Variants in PPP2R5C observed in about 807,000 individuals in gnomAD.
PPP2R5C encodes protein phosphatase 2 regulatory subunit B'gamma, also known as serine/threonine-protein phosphatase 2A 56 kDa regulatory subunit gamma isoform.
Under a neutral mutation model 68.9 loss-of-function variants are expected in PPP2R5C, and 7 were observed. The observed-to-expected ratio is 0.10, with a 90% CI of 0.06 to 0.19. PPP2R5C has a LOEUF of 0.19. Among genes scored for constraint, PPP2R5C ranks in the 10% least tolerant of loss-of-function variants. The pLI is 1.00. For synonymous variants in PPP2R5C, 210 were observed against 222.2 expected (o/e 0.95, Z 0.49); for missense variants, 348 against 641.3 (o/e 0.54, Z 4.94).
At chr14:101,814,296 T>C (rs2039533667) in intron 1 of PPP2R5C, among the ~76,000 whole-genome samples, 1 of 152,254 alleles carries the variant, frequency 6.6e-6, no homozygotes, top group Non-Finnish European at 1.5e-5. Context: ...AAAGTGACTT[T>C]ATAGAACTAC....
intron 2 of PPP2R5C, among the ~76,000 whole-genome samples, chr14:101,776,096 A>T (rs1427878724): frequency 7.0e-6 from 1 of 142,734 alleles, no homozygotes; most frequent in South Asian, 2.3e-4. Flanking sequence ...CTGTTCAGAC[A>T]CGTGGAGGCC....
chr14:101,875,217 A>T (rs2043683799), intron 2 of PPP2R5C, among the ~76,000 whole-genome samples: 1 of 152,184 alleles, frequency 6.6e-6, no homozygotes, highest in Non-Finnish European at 1.5e-5. Context: ...CTTGCTGTGG[A>T]GGAAGCGCGA....
At chr14:101,894,689 G>A (rs1215246117) in intron 8 of PPP2R5C, 129 bp downstream of exon 10, 4 of 815,946 alleles carry the variant, frequency 4.9e-6, no homozygotes, top group Non-Finnish European at 8.0e-6. Context: ...CTAATAAACA[G>A]GCTCATTTCA....
Position 101,835,784 on chromosome 14 carries a change from C to G in PPP2R5C, c.95-20902C>G, listed in dbSNP as rs1256221809. Among the ~76,000 whole-genome samples, 1 of 152,226 alleles carries G rather than the reference C, an allele frequency of 6.6e-6. No homozygotes were observed. Among genetic ancestry groups the G allele is most frequent in the Non-Finnish European group, 1.5e-5 (1 of 68,046 alleles). The stretch of plus-strand genomic sequence containing the variant: ...CCTCACGGGGTGCCTCTTGCCCTTG[C>G]AGATCACCAGGTGCTCCGAGCTGCC... On this transcript the variant is annotated intron_variant, in intron 1 of 13. Coordinates refer to ENST00000334743, the Ensembl canonical transcript of PPP2R5C. This position sits in a 1 kb window ranked among gnomAD's most constrained non-coding sequence, Gnocchi z 5.0.
intron 1 of PPP2R5C, chr14:101,819,186 C>G: frequency 9.2e-7 from 1 of 1,082,566 alleles, no homozygotes; most frequent in South Asian, 1.4e-5. Context: ...TTTTTCCCAG[C>G]TTTATGTAAT....
intron 1 of PPP2R5C, among the ~76,000 whole-genome samples, chr14:101,841,549 G>A (rs2041473632): frequency 6.6e-6 from 1 of 152,246 alleles, no homozygotes; most frequent in East Asian, 1.9e-4. Flanking sequence ...TTCACTCTGT[G>A]CCTCCGGAGA....
chr14:101,820,389 A>G (rs555927130), intron 1 of PPP2R5C: 1 of 152,338 alleles, frequency 6.6e-6, no homozygotes, highest in African/African-American at 2.4e-5. Context: ...CACACACCAC[A>G]TGCAGCAGTG....
intron 2 of PPP2R5C, among the ~76,000 whole-genome samples, chr14:101,860,016 T>C (rs1277703399): frequency 1.3e-5 from 2 of 152,200 alleles, no homozygotes; most frequent in Non-Finnish European, 2.9e-5. Context: ...AGATGGTTTT[T>C]TTTAAACAGA....
chr14:101,851,036 C>T (rs2042127832), intron 1 of PPP2R5C, among the ~76,000 whole-genome samples: 2 of 152,306 alleles, frequency 1.3e-5, no homozygotes, highest in East Asian at 1.9e-4. Context: ...CCTGCCTTTC[C>T]GAGAGCTTGA....
chr14:101,764,530 C>T (rs144343979), intron 2 of PPP2R5C, among the ~76,000 whole-genome samples: 14 of 152,286 alleles, frequency 9.2e-5, no homozygotes, highest in African/African-American at 3.4e-4. Flanking sequence ...TTGGTGTATT[C>T]TGAACCTCCC....
chr14:101,916,233 G>A lies in PPP2R5C; in HGVS notation c.1327-1598G>A, dbSNP rs747646492. Among the ~76,000 whole-genome samples the A allele has an allele frequency of 1.7e-4, 26 of 152,140 alleles. No homozygotes were observed. Among genetic ancestry groups the A allele is most frequent in the Non-Finnish European group, 2.1e-4 (14 of 68,014 alleles). On this transcript the variant is annotated intron_variant, in intron 12 of 13. Coordinates refer to ENST00000334743, the Ensembl canonical transcript of PPP2R5C. This position sits in a 1 kb window ranked among gnomAD's most constrained non-coding sequence, Gnocchi z 5.5. Reference sequence around the variant, plus strand: ...ATGTGTGGAGATCGTGGTGCTGGGCGGAGCTGTGGGAGTGAAGGCACAGGG... The same window carrying A: ...ATGTGTGGAGATCGTGGTGCTGGGCAGAGCTGTGGGAGTGAAGGCACAGGG...
chr14:101,892,873 A>G, intron 6 of PPP2R5C, 127 bp from the exon 9 acceptor site: 1 of 669,532 alleles, frequency 1.5e-6, no homozygotes. Flanking sequence ...GCATGGCAAC[A>G]TGCTTGGCTA....
chr14:101,803,341 C>G (rs191032340), intron 3 of PPP2R5C: 5 of 152,310 alleles, frequency 3.3e-5, no homozygotes, highest in African/African-American at 4.8e-5. Context: ...TAATAAATGG[C>G]GTTGGGAAAA....
chr14:101,816,643 C>T (rs1393829638), intron 1 of PPP2R5C, among the ~76,000 whole-genome samples: 1 of 151,594 alleles, frequency 6.6e-6, no homozygotes, highest in African/African-American at 2.4e-5. Flanking sequence ...TTGTAAGGGA[C>T]TTTTCTTATT....
intron 2 of PPP2R5C, among the ~76,000 whole-genome samples, chr14:101,776,074 C>T (rs1401410594): frequency 7.2e-6 from 1 of 138,740 alleles, no homozygotes; most frequent in Non-Finnish European, 1.6e-5. Flanking sequence ...AGCTGGTGCT[C>T]GTGTGCAGCC....
rs2044642741 is a variant in PPP2R5C, at chr14:101,888,154, C to G, written c.630-2083C>G. On this transcript the variant is annotated intron_variant, in intron 5 of 13. Transcript: ENST00000334743. This position sits in a 1 kb window ranked among gnomAD's most constrained non-coding sequence, Gnocchi z 5.6. ...TATGTAAATGTTAAAGCTGATGGAT[C>G]TAGACCAGAAGGGGTCCAGGGGTCT... 6.6e-6 allele frequency among the ~76,000 whole-genome samples: 1 copy of G among 152,106 alleles called. No individual in the cohort carries two copies. The highest frequency in any genetic ancestry group is 1.5e-5 in the Non-Finnish European group (1 of 68,026).
rs1301288308 is a variant in PPP2R5C at position 101,891,120 on chromosome 14, C to T, written c.689+824C>T. Among the ~76,000 whole-genome samples, 2 of 152,048 alleles carry T rather than the reference C, an allele frequency of 1.3e-5. No homozygotes were observed. Among genetic ancestry groups the T allele is most frequent in the Non-Finnish European group, 2.9e-5 (2 of 68,020 alleles). Reference sequence around the variant, plus strand: ...TAGATTTTATATTAGACCTTCTAACCCACTGTTTCCCAGAGTTCCTCAGGG... The same window carrying T: ...TAGATTTTATATTAGACCTTCTAACTCACTGTTTCCCAGAGTTCCTCAGGG... On this transcript the variant is annotated intron_variant, in intron 6 of 13. Coordinates refer to ENST00000334743, the Ensembl canonical transcript of PPP2R5C. This position sits in a 1 kb window ranked among gnomAD's most constrained non-coding sequence, Gnocchi z 4.9.
intron 6 of PPP2R5C, among the ~76,000 whole-genome samples, chr14:101,890,522 C>T (rs898453771): frequency 1.3e-5 from 2 of 152,114 alleles, no homozygotes; most frequent in Non-Finnish European, 2.9e-5. Context: ...GATTCTACTT[C>T]GTATACCTCA....
rs984391023 is a variant in PPP2R5C, at chr14:101,922,118, G to A, written c.1444-3023G>A. 1.1e-5 allele frequency: 11 copies of A among 985,414 alleles called. No individual in the cohort carries two copies. In the South Asian group the frequency reaches 5.2e-4, roughly 46 times the overall value. 61.0% of individuals were successfully genotyped at this position (985,414 alleles called of 1,614,324 possible). ...TGTTCTCCAGGAGAAGAATTGACGAGTTAACGTGGACATGAAGTATTTTCC... is the reference window on the plus strand; with the variant it reads ...TGTTCTCCAGGAGAAGAATTGACGAATTAACGTGGACATGAAGTATTTTCC... On this transcript the variant is annotated intron_variant, in intron 13 of 13. Coordinates refer to ENST00000334743, the Ensembl canonical transcript of PPP2R5C.
Sources: gnomAD v4.1 joint callset for allele counts (sites outside exome capture counted in the v4.1 genomes callset) on GRCh38, gnomAD v4.1.1 for gene constraint, Gnocchi (gnomAD v3.1) non-coding constraint, MANE v1.5 for transcripts, NCBI Gene and HGNC (gene_info 2026-07-23, HGNC 2026-07-21) for gene names.